The following RAB11FIP4 variants were observed in gnomAD, a reference collection of about 807,000 sequenced individuals.
RAB11FIP4 encodes rab11 family-interacting protein 4.
In RAB11FIP4, 23 loss-of-function variants were observed where a neutral mutation model predicts 74.3. That is an observed-to-expected ratio of 0.31 (90% CI 0.22 to 0.44). The LOEUF is 0.44. Among genes scored for constraint, RAB11FIP4 ranks in the 20% least tolerant of loss-of-function variants. The pLI is 1.00. For missense variants in RAB11FIP4, 630 were observed against 863.9 expected (o/e 0.73, Z 3.39); for synonymous variants, 360 against 359.9 (o/e 1.00, Z 0.00).
At chr17:31,429,040 C>T (rs891416312) in intron 1 of RAB11FIP4, among the ~76,000 whole-genome samples, 3 of 151,968 alleles carry the variant, frequency 2.0e-5, no homozygotes, top group African/African-American at 4.8e-5. Context: ...TGCAGTGGCG[C>T]GATCTTGGAT....
intron 3 of RAB11FIP4, chr17:31,488,025 T>C (rs1567672545): frequency 1.0e-6 from 1 of 1,003,354 alleles, no homozygotes; most frequent in Non-Finnish European, 1.2e-6. Context: ...AGGCGCCTCG[T>C]GATGTCACCG....
At chr17:31,453,831 A>G (rs2071550831) in intron 3 of RAB11FIP4, among the ~76,000 whole-genome samples, 1 of 151,856 alleles carries the variant, frequency 6.6e-6, no homozygotes, top group African/African-American at 2.4e-5. Context: ...AAGAAAAGAA[A>G]GTGCATGGAA....
At chr17:31,523,341 C>G (rs902991320) in intron 7 of RAB11FIP4, 171 bp from the exon 8 acceptor site, 1 of 650,394 alleles carries the variant, frequency 1.5e-6, no homozygotes, top group African/African-American at 1.8e-5. Context: ...ATCCTCTGGG[C>G]GGGGTGATCC....
At chr17:31,520,938 T>C (rs1157565312) in intron 4 of RAB11FIP4, 3 of 334,162 alleles carry the variant, frequency 9.0e-6, no homozygotes, top group African/African-American at 2.1e-5. Flanking sequence ...AAGCAGTGTT[T>C]TGCTACTGTG....
At chr17:31,396,409 G>A (rs2070931659) in intron 1 of RAB11FIP4, among the ~76,000 whole-genome samples, 1 of 152,136 alleles carries the variant, frequency 6.6e-6, no homozygotes, top group East Asian at 1.9e-4. Flanking sequence ...CATCAAATGG[G>A]GCTGATCAGA....
At chr17:31,395,545 T>C (rs1374319505) in intron 1 of RAB11FIP4, among the ~76,000 whole-genome samples, 1 of 152,166 alleles carries the variant, frequency 6.6e-6, no homozygotes, top group Non-Finnish European at 1.5e-5. Flanking sequence ...TCTGTGGTCT[T>C]CCTCCCAAAC....
At chr17:31,441,074 G>T (rs1454724196) in intron 3 of RAB11FIP4, among the ~76,000 whole-genome samples, 1 of 152,046 alleles carries the variant, frequency 6.6e-6, no homozygotes, top group East Asian at 1.9e-4. Flanking sequence ...GCCCAGGCTG[G>T]AGTGCAGTGG....
chr17:31,426,341 C>G (rs764061585), intron 1 of RAB11FIP4, among the ~76,000 whole-genome samples: 5 of 152,152 alleles, frequency 3.3e-5, no homozygotes, highest in Non-Finnish European at 7.3e-5. Flanking sequence ...ATGTCTTACC[C>G]TCTCTGAGCC....
chr17:31,393,056 C>T (rs1490167776), intron 1 of RAB11FIP4, among the ~76,000 whole-genome samples: 5 of 152,222 alleles, frequency 3.3e-5, no homozygotes, highest in Admixed American at 6.5e-5. Context: ...CGTGCCTCTG[C>T]GTCACCAGAG....
intron 3 of RAB11FIP4, among the ~76,000 whole-genome samples, chr17:31,497,880 G>T (rs2072146814): frequency 6.6e-6 from 1 of 152,172 alleles, no homozygotes; most frequent in Non-Finnish European, 1.5e-5. Flanking sequence ...TCCAATGAAA[G>T]CCAGTAGCCC....
intron 3 of RAB11FIP4, chr17:31,488,196 A>C: frequency 9.1e-6 from 10 of 1,099,286 alleles, no homozygotes; most frequent in Non-Finnish European, 1.1e-5. Context: ...CGCGCCGCCG[A>C]CCCGCGCCCG....
At chr17:31,523,394 A>G (rs2072704155) in intron 7 of RAB11FIP4, 118 bp from the exon 8 acceptor site, 1 of 790,146 alleles carries the variant, frequency 1.3e-6, no homozygotes, top group African/African-American at 1.7e-5. Flanking sequence ...GAGTGAGGGC[A>G]GCCTCCTTAA....
At chr17:31,519,555 G>GAAGCC (rs1280711670) in intron 4 of RAB11FIP4, among the ~76,000 whole-genome samples, 1 of 152,148 alleles carries the variant, frequency 6.6e-6, no homozygotes, top group Non-Finnish European at 1.5e-5. Flanking sequence ...TGTGGCTGAG[G>GAAGCC]AAGCCGAGGG....
chr17:31,507,363 T>C (rs941682472), intron 3 of RAB11FIP4, among the ~76,000 whole-genome samples: 3 of 152,246 alleles, frequency 2.0e-5, no homozygotes, highest in Non-Finnish European at 4.4e-5. Flanking sequence ...TTTGTTATTT[T>C]CTGTCTCTTT....
At chr17:31,453,792 CAAAAAAAAA>C (rs555119408) in intron 3 of RAB11FIP4, among the ~76,000 whole-genome samples, 2 of 62,632 alleles carry the variant, frequency 3.2e-5, no homozygotes, top group East Asian at 4.7e-4. Flanking sequence ...AGACTCGTCT[CAAAAAAAAA>C]AAAAAAAAAA....
At chr17:31,402,923 C>G (rs534506524) in intron 1 of RAB11FIP4, among the ~76,000 whole-genome samples, 1 of 152,056 alleles carries the variant, frequency 6.6e-6, no homozygotes, top group Non-Finnish European at 1.5e-5. Context: ...CCGCGCCTGG[C>G]CAGATTATTT....
chr17:31,465,776 C>G (rs1002536007), intron 3 of RAB11FIP4: 3 of 151,780 alleles, frequency 2.0e-5, no homozygotes. Flanking sequence ...GTGGTGGGAT[C>G]GCGCCTACCA....
rs1308158020 is a variant in RAB11FIP4 at position 31,535,296 on chromosome 17, A to C, written c.*3564A>C. ...AAAAAAAAAAAGCTCAAGAACCTGCACGAGGGCCTAAAACAGTGGGCTCAG... is the reference window on the plus strand; with the variant it reads ...AAAAAAAAAAAGCTCAAGAACCTGCCCGAGGGCCTAAAACAGTGGGCTCAG... On this transcript the variant is annotated 3_prime_UTR_variant, in exon 15 of 15. Transcript: ENST00000621161. 6.7e-6 allele frequency: 1 copy of C among 150,272 alleles called. No individual in the cohort carries two copies. The highest frequency in any genetic ancestry group is 1.5e-5 in the Non-Finnish European group (1 of 67,774). 9.3% of individuals were successfully genotyped at this position (150,272 alleles called of 1,614,324 possible).
chr17:31,491,435 T>G, intron 3 of RAB11FIP4, among the ~76,000 whole-genome samples: 1 of 150,968 alleles, frequency 6.6e-6, no homozygotes. Context: ...AAACACGGAG[T>G]ATGGGAGTTG....
Sources: allele counts gnomAD v4.1 joint callset (sites outside exome capture counted in the v4.1 genomes callset), GRCh38; gene constraint gnomAD v4.1.1; transcripts MANE v1.5; gene names NCBI Gene and HGNC (gene_info 2026-07-23, HGNC 2026-07-21).